SULF2: variants seen among roughly 807,000 people sequenced by gnomAD.
SULF2 encodes the protein extracellular sulfatase Sulf-2.
In SULF2, 52 loss-of-function variants were observed where a neutral mutation model predicts 107.7. The observed-to-expected ratio is 0.48, with a 90% CI of 0.39 to 0.61. The LOEUF is 0.61. SULF2 is among the 20% of genes least tolerant of loss of function. The pLI, the probability that SULF2 is intolerant of heterozygous loss-of-function variation, is 0.00. For synonymous variants in SULF2, 460 were observed against 464.3 expected (o/e 0.99, Z 0.12); for missense variants, 993 against 1,177.3 (o/e 0.84, Z 2.29).
intron 3 of SULF2, among the ~76,000 whole-genome samples, chr20:47,708,447 G>A (rs1025299605): frequency 1.4e-4 from 22 of 152,298 alleles, no homozygotes; most frequent in African/African-American, 4.1e-4. Context: ...ATGAGGAGTG[G>A]CAGGGTTCGT....
At chr20:47,746,073 C>T (rs2090028250) in intron 2 of SULF2, among the ~76,000 whole-genome samples, 1 of 152,324 alleles carries the variant, frequency 6.6e-6, no homozygotes, top group East Asian at 1.9e-4. Flanking sequence ...GTAGCGAAGG[C>T]CCACTTGACA....
chr20:47,754,828 C>T (rs1162180819), intron 2 of SULF2, among the ~76,000 whole-genome samples: 1 of 152,200 alleles, frequency 6.6e-6, no homozygotes, highest in Non-Finnish European at 1.5e-5. Context: ...GTTCTGGGTT[C>T]AAATCTTGTT....
chr20:47,703,421 G>A (rs1439417554), intron 3 of SULF2, among the ~76,000 whole-genome samples: 1 of 152,206 alleles, frequency 6.6e-6, no homozygotes, highest in African/African-American at 2.4e-5. Context: ...AAACCAGAGT[G>A]TCACTTTTTT....
chr20:47,757,117 C>T, intron 2 of SULF2, 72 bp downstream of exon 2: 1 of 1,379,416 alleles, frequency 7.2e-7, no homozygotes, highest in South Asian at 1.4e-5. Context: ...CGCCTTGCCT[C>T]AGGAGCCTCA....
chr20:47,742,356 G>A (rs549320429), intron 2 of SULF2, among the ~76,000 whole-genome samples: 3 of 152,256 alleles, frequency 2.0e-5, no homozygotes, highest in Admixed American at 1.3e-4. Context: ...AACTTCTTTC[G>A]TCCAACATAA....
At chr20:47,731,197 T>TTTTTTTTTATTTTTATTTA (rs1568871919) in intron 3 of SULF2, among the ~76,000 whole-genome samples, 6 of 105,918 alleles carry the variant, frequency 5.7e-5, no homozygotes, top group African/African-American at 1.7e-4. Context: ...CTTTTTTTTT[T>TTTTTTTTTATTTTTATTTA]TTTTTTTTTT....
At position 47,785,382 on chromosome 20, in the gene SULF2, G is replaced by T. The variant is rs2090908342; in HGVS notation, c.-140C>A. ...CCGGCAACCTCACCCGGAGCGGGGCGCCGCCGCCGCCTCTGCCGCAGCCCG... is the reference window on the plus strand; with the variant it reads ...CCGGCAACCTCACCCGGAGCGGGGCTCCGCCGCCGCCTCTGCCGCAGCCCG... On this transcript the variant is annotated 5_prime_UTR_variant, in exon 1 of 21. Transcript: ENST00000688720. 2.8e-5 allele frequency: 4 copies of T among 143,792 alleles called. No individual in the cohort carries two copies. In the South Asian group the frequency reaches 7.3e-4, roughly 26 times the overall value. 8.9% of individuals were successfully genotyped at this position (143,792 alleles called of 1,614,324 possible). A position where few individuals can be genotyped will look rare whatever the true frequency, so the allele number is the denominator to read the frequency against.
intron 1 of SULF2, 27 bp from the exon 2 acceptor site, chr20:47,757,490 A>G: frequency 8.8e-7 from 1 of 1,136,586 alleles, no homozygotes; most frequent in Non-Finnish European, 1.2e-6. Flanking sequence ...AATCAGGTCA[A>G]TATTTATGTC....
At chr20:47,721,975 G>A (rs1259962078) in intron 3 of SULF2, among the ~76,000 whole-genome samples, 4 of 152,136 alleles carry the variant, frequency 2.6e-5, no homozygotes, top group Non-Finnish European at 5.9e-5. Flanking sequence ...CTTGGAAAGA[G>A]GCCTCTCTTT....
In SULF2 at chr20:47,684,425, G is replaced by C. The variant is rs745570740; in HGVS notation, c.888+6C>G. ...GCCCACCAAGAGGCATGCAGCGGGC[G>C]CCTACCGTCTCCATGGAGTCGTCCA... On this transcript the variant is annotated splice_donor_region_variant and intron_variant, in intron 6 of 20. Transcript: ENST00000688720. 6.2e-7 allele frequency: 1 copy of C among 1,605,446 alleles called. No homozygotes were observed. Among genetic ancestry groups the C allele is most frequent in the Admixed American group, 1.7e-5 (1 of 59,308 alleles).
chr20:47,761,610 G>A (rs10211688), intron 1 of SULF2, among the ~76,000 whole-genome samples: 2 of 152,096 alleles, frequency 1.3e-5, no homozygotes, highest in South Asian at 4.1e-4. Context: ...GCGTGCCCTC[G>A]CGCTCGCACT....
rs750139406 is a variant in SULF2 at position 47,666,476 on chromosome 20, C to T, written c.1589G>A (p.Ser530Asn). ...GCGGATGGAGCGACTGCGGACATAG[C>T]TGGCCTTGTACTCTGTGGGCATTAG... ...KKLFKKKYKA[S>N]YVRSRSIRSV... The change falls in exon 12 of 21, where the codon AGC (serine) becomes AAC (asparagine). Residue 530 changes from serine to asparagine, a missense_variant. By Grantham distance (46) the Ser-to-Asn change is conservative. Around this residue, in one of 3 missense-constraint regions of SULF2, gnomAD observed 497 missense variants for 544.1 expected, o/e 0.91. Transcript: ENST00000688720. The surrounding 1 kb of genome is among the most constrained non-coding windows in gnomAD (Gnocchi z 5.4). The T allele has an allele frequency of 6.2e-7, 1 of 1,613,106 alleles. No individual in the cohort carries two copies. The highest frequency in any genetic ancestry group is 1.1e-5 in the South Asian group (1 of 91,058).
intron 3 of SULF2, among the ~76,000 whole-genome samples, chr20:47,731,783 C>T (rs181699078): frequency 7.9e-5 from 12 of 152,334 alleles, no homozygotes; most frequent in Non-Finnish European, 2.9e-5. Context: ...AATTTACCAT[C>T]ATGCTGCTGG....
intron 2 of SULF2, among the ~76,000 whole-genome samples, chr20:47,749,066 T>C (rs557187973): frequency 1.3e-5 from 2 of 151,716 alleles, no homozygotes; most frequent in Non-Finnish European, 2.9e-5. Context: ...TCTTGCTGCC[T>C]AGAGTGTGGC....
intron 7 of SULF2, among the ~76,000 whole-genome samples, chr20:47,679,100 A>AC (rs1050588142): frequency 3.5e-5 from 5 of 142,122 alleles, no homozygotes; most frequent in Non-Finnish European, 7.6e-5. Context: ...AGTGAAGGCG[A>AC]CCCCCCCTTT....
chr20:47,672,466 A>C, intron 10 of SULF2, 73 bp from the exon 11 acceptor site: 1 of 1,484,446 alleles, frequency 6.7e-7, no homozygotes, highest in Non-Finnish European at 9.0e-7. Flanking sequence ...TGCCACCCCC[A>C]TCCACCCTGG....
chr20:47,696,972 G>A (rs918424778), intron 4 of SULF2, among the ~76,000 whole-genome samples: 6 of 152,156 alleles, frequency 3.9e-5, no homozygotes, highest in Non-Finnish European at 7.3e-5. Flanking sequence ...GCCTATGACT[G>A]AGGCTTCTCC....
chr20:47,763,044 T>C (rs1600672199), intron 1 of SULF2, among the ~76,000 whole-genome samples: 1 of 152,152 alleles, frequency 6.6e-6, no homozygotes, highest in Non-Finnish European at 1.5e-5. Context: ...TTGTTTTTTT[T>C]CCTTTTTCTT....
At chr20:47,699,868 A>ACACCTTCTC (rs2088505053) in intron 4 of SULF2, among the ~76,000 whole-genome samples, 1 of 152,116 alleles carries the variant, frequency 6.6e-6, no homozygotes, top group Non-Finnish European at 1.5e-5. Flanking sequence ...TTTTGGACAG[A>ACACCTTCTC]CACCTTCTCC....
Sources: allele counts gnomAD v4.1 joint callset (sites outside exome capture counted in the v4.1 genomes callset), GRCh38; gene constraint gnomAD v4.1.1; regional missense constraint gnomAD v4.1.1; non-coding constraint Gnocchi (gnomAD v3.1); transcripts MANE v1.5; gene names NCBI Gene and HGNC (gene_info 2026-07-23, HGNC 2026-07-21).